BANP: variants seen among roughly 807,000 people sequenced by gnomAD.
The protein encoded by BANP is protein BANP.
BANP carries 11 observed loss-of-function variants against 68.1 expected under a neutral mutation model. That is an observed-to-expected ratio of 0.16 (90% confidence interval 0.10 to 0.27). The LOEUF is 0.27. Ranked by LOEUF, BANP falls within the 10% of genes least tolerant of loss-of-function variation. The pLI is 1.00. For synonymous variants in BANP, 329 were observed against 303.2 expected (o/e 1.09, Z -0.88); for missense variants, 504 against 722.7 (o/e 0.70, Z 3.47).
intron 11 of BANP, among the ~76,000 whole-genome samples, chr16:88,047,327 C>A (rs1243791901): frequency 2.0e-5 from 3 of 152,138 alleles, no homozygotes; most frequent in Non-Finnish European, 2.9e-5. Flanking sequence ...GCGAAAACTG[C>A]CAGTTTCTCC....
Position 88,004,472 on chromosome 16 carries a change from A to G in BANP, c.479+61A>G. 1.0e-6 allele frequency: 1 copy of G among 957,416 alleles called. No homozygotes were observed. Among genetic ancestry groups the G allele is most frequent in the Non-Finnish European group, 1.6e-6 (1 of 636,498 alleles). 59.3% of individuals were successfully genotyped at this position (957,416 alleles called of 1,614,324 possible). A position where few individuals can be genotyped will look rare whatever the true frequency, so the allele number is the denominator to read the frequency against. ...CACTGTGCGGAGTCCCATGAGAATA[A>G]GTCAACGTCCCTAAGCCAGGGCACA... On this transcript the variant is annotated intron_variant, in intron 5 of 13. Transcript: ENST00000682872. The surrounding 1 kb of genome is among the most constrained non-coding windows in gnomAD (Gnocchi z 7.0).
At chr16:88,026,067 C>T (rs1297992259) in intron 7 of BANP, among the ~76,000 whole-genome samples, 2 of 152,220 alleles carry the variant, frequency 1.3e-5, no homozygotes, top group Non-Finnish European at 2.9e-5. Context: ...CCGTGGCCTT[C>T]GGATCCTCAG....
chr16:88,059,659 G>A (rs1013174668), intron 11 of BANP, among the ~76,000 whole-genome samples: 1 of 152,082 alleles, frequency 6.6e-6, no homozygotes, highest in Non-Finnish European at 1.5e-5. Context: ...CACAGATGAA[G>A]CTTTTTGCAG....
At chr16:88,051,451 C>T (rs1463667748) in intron 11 of BANP, among the ~76,000 whole-genome samples, 1 of 152,228 alleles carries the variant, frequency 6.6e-6, no homozygotes. Context: ...TGCGGGAGCC[C>T]ATGCCTCCTT....
chr16:87,988,803 C>G (rs1345461013), intron 4 of BANP, among the ~76,000 whole-genome samples: 2 of 152,196 alleles, frequency 1.3e-5, no homozygotes, highest in Non-Finnish European at 2.9e-5. Flanking sequence ...ATCACATGCC[C>G]TTCTGTTTAG....
intron 11 of BANP, among the ~76,000 whole-genome samples, chr16:88,059,438 T>A (rs1218614312): frequency 6.6e-6 from 1 of 152,150 alleles, no homozygotes; most frequent in African/African-American, 2.4e-5. Context: ...CTGAGCCCAG[T>A]GTGGCCTCAC....
At chr16:88,065,828 G>T (rs567677346) in intron 12 of BANP, among the ~76,000 whole-genome samples, 1 of 152,212 alleles carries the variant, frequency 6.6e-6, no homozygotes, top group African/African-American at 2.4e-5. Context: ...GTATGGAAGG[G>T]CACCCTGATC....
Position 87,978,781 on chromosome 16 carries a change from C to A in BANP, c.71-2255C>A. ...AATCAAAACAGTCTCAGCCTTAACACGCTAAGTGATAGAACCCCAACCCTC... is the reference window on the plus strand; with the variant it reads ...AATCAAAACAGTCTCAGCCTTAACAAGCTAAGTGATAGAACCCCAACCCTC... On this transcript the variant is annotated intron_variant, in intron 2 of 13. Coordinates refer to ENST00000682872, the MANE Select transcript of BANP (RefSeq NM_001386991.1). 7.6e-6 allele frequency: 3 copies of A among 393,964 alleles called. 1 individual carries two copies. Among genetic ancestry groups the A allele is most frequent in the South Asian group, 5.4e-5 (3 of 55,048 alleles). 24.4% of individuals were successfully genotyped at this position (393,964 alleles called of 1,614,324 possible).
chr16:88,066,838 C>T (rs1306252482), intron 12 of BANP, among the ~76,000 whole-genome samples: 2 of 152,176 alleles, frequency 1.3e-5, no homozygotes, highest in African/African-American at 2.4e-5. Flanking sequence ...CGCTCCCTCT[C>T]GTGCTCCCTT....
At chr16:88,029,472 G>A (rs577883733) in intron 8 of BANP, among the ~76,000 whole-genome samples, 13 of 152,034 alleles carry the variant, frequency 8.6e-5, no homozygotes, top group African/African-American at 1.2e-4. Flanking sequence ...TTAGCCGGGC[G>A]TGGTGGCTGG....
chr16:87,970,420 T>G (rs1289734511), intron 1 of BANP, among the ~76,000 whole-genome samples: 1 of 152,244 alleles, frequency 6.6e-6, no homozygotes, highest in Non-Finnish European at 1.5e-5. Context: ...AGATTCTTAA[T>G]TCATCAGGGA....
intron 13 of BANP, among the ~76,000 whole-genome samples, chr16:88,072,781 G>A (rs1375183229): frequency 6.6e-6 from 1 of 152,218 alleles, no homozygotes; most frequent in Non-Finnish European, 1.5e-5. Context: ...GTGATGCCGT[G>A]GGCTGTTTGC....
intron 6 of BANP, among the ~76,000 whole-genome samples, chr16:88,008,251 T>A (rs1027166504): frequency 4.6e-5 from 7 of 152,204 alleles, no homozygotes; most frequent in African/African-American, 1.7e-4. Context: ...GGTTTGCACT[T>A]TTTGGCTGTT....
intron 11 of BANP, among the ~76,000 whole-genome samples, chr16:88,040,198 C>G (rs1274778749): frequency 2.0e-5 from 3 of 151,774 alleles, no homozygotes; most frequent in African/African-American, 7.3e-5. Context: ...TCATCTGAAG[C>G]TGCCTTTTCT....
intron 1 of BANP, among the ~76,000 whole-genome samples, chr16:87,960,758 G>A (rs1055448505): frequency 6.6e-6 from 1 of 152,222 alleles, no homozygotes; most frequent in Non-Finnish European, 1.5e-5. Context: ...TTGAGTTGTA[G>A]TTGAACTAGC....
At chr16:87,978,629 A>G (rs917053947) in intron 2 of BANP, 1 of 470,266 alleles carries the variant, frequency 2.1e-6, no homozygotes, top group South Asian at 1.5e-5. Context: ...GGCCGAAGGC[A>G]TAGCCGTGTG....
chr16:87,992,445 T>C (rs2066099165), intron 4 of BANP, among the ~76,000 whole-genome samples: 2 of 152,206 alleles, frequency 1.3e-5, no homozygotes, highest in African/African-American at 4.8e-5. Flanking sequence ...TTAAAAAATT[T>C]GATAGAATTT....
At chr16:88,065,138 A>C in intron 11 of BANP, 129 bp from the exon 12 acceptor site, 1 of 536,000 alleles carries the variant, frequency 1.9e-6, no homozygotes, top group Admixed American at 3.5e-5. Flanking sequence ...CTGCCATAAC[A>C]AACGACCACA....
intron 9 of BANP, 34 bp downstream of exon 9, chr16:88,033,279 G>A (rs1359490827): frequency 2.0e-6 from 3 of 1,504,918 alleles, no homozygotes; most frequent in South Asian, 1.3e-5. Flanking sequence ...CCTTGGGAAA[G>A]GGGGCTGCGG....
Sources: gnomAD v4.1 joint callset for allele counts (sites outside exome capture counted in the v4.1 genomes callset) on GRCh38, gnomAD v4.1.1 for gene constraint, Gnocchi (gnomAD v3.1) non-coding constraint, MANE v1.5 for transcripts, NCBI Gene and HGNC (gene_info 2026-07-23, HGNC 2026-07-21) for gene names.